MGAT5: variants seen among roughly 807,000 people sequenced by gnomAD.
MGAT5 encodes the protein alpha-1,6-mannosylglycoprotein 6-beta-N-acetylglucosaminyltransferase.
In MGAT5, 30 loss-of-function variants were observed where a neutral mutation model predicts 94.3. The observed-to-expected ratio is 0.32, with a 90% CI of 0.24 to 0.43. The LOEUF is 0.43. Among genes scored for constraint, MGAT5 ranks in the 20% least tolerant of loss-of-function variants. The pLI is 1.00. For synonymous variants in MGAT5, 310 were observed against 322.9 expected (o/e 0.96, Z 0.43); for missense variants, 691 against 905.5 (o/e 0.76, Z 3.04).
intron 2 of MGAT5, among the ~76,000 whole-genome samples, chr2:134,276,552 T>C (rs1226116438): frequency 2.0e-5 from 3 of 152,122 alleles, no homozygotes; most frequent in African/African-American, 7.2e-5. Context: ...CATCAGAAAA[T>C]ACCCTTGACA....
chr2:134,125,404 T>C (rs1188890477), intron 1 of MGAT5, among the ~76,000 whole-genome samples: 1 of 152,188 alleles, frequency 6.6e-6, no homozygotes, highest in Admixed American at 6.5e-5. Context: ...CTGGTGAGTA[T>C]GCCCTGTACT....
intron 10 of MGAT5, among the ~76,000 whole-genome samples, chr2:134,401,085 ACTC>A (rs1157368824): frequency 1.4e-5 from 2 of 138,906 alleles, no homozygotes; most frequent in Non-Finnish European, 3.1e-5. Context: ...TTCTTCTTCT[ACTC>A]CTCTTTTTTT....
At chr2:134,214,103 T>C (rs559442640) in intron 1 of MGAT5, among the ~76,000 whole-genome samples, 34 of 152,170 alleles carry the variant, frequency 2.2e-4, no homozygotes, top group African/African-American at 7.0e-4. Flanking sequence ...CACCCTATAT[T>C]CCTAATACAA....
At chr2:134,422,677 G>A (rs1360293910) in intron 12 of MGAT5, 126 bp from the exon 13 acceptor site, 5 of 680,160 alleles carry the variant, frequency 7.4e-6, no homozygotes, top group African/African-American at 1.8e-5. Flanking sequence ...GATCATCAAG[G>A]GGAAGGACAC....
At chr2:134,386,681 A>G (rs905852269) in intron 10 of MGAT5, among the ~76,000 whole-genome samples, 1 of 152,132 alleles carries the variant, frequency 6.6e-6, no homozygotes, top group South Asian at 2.1e-4. Context: ...GCCCCCTCTA[A>G]AGAGCTTTCT....
At chr2:134,383,742 C>G (rs1681778416) in intron 10 of MGAT5, among the ~76,000 whole-genome samples, 1 of 150,172 alleles carries the variant, frequency 6.7e-6, no homozygotes, top group Non-Finnish European at 1.5e-5. Flanking sequence ...CTCACTGTGT[C>G]GCCCAGGCTG....
chr2:134,324,729 G>T (rs183549943), intron 4 of MGAT5, among the ~76,000 whole-genome samples: 149 of 152,188 alleles, frequency 9.8e-4, no homozygotes, highest in African/African-American at 3.5e-3. Context: ...AAACCTGAAT[G>T]TAAAAACAAC....
chr2:134,429,153 G>GTT (rs1398337392), intron 14 of MGAT5, among the ~76,000 whole-genome samples: 2 of 151,848 alleles, frequency 1.3e-5, no homozygotes, highest in African/African-American at 4.9e-5. Flanking sequence ...CTTCCTAAAG[G>GTT]ATAAAGCATT....
intron 2 of MGAT5, among the ~76,000 whole-genome samples, chr2:134,298,005 C>A (rs973101030): frequency 1.3e-5 from 2 of 151,750 alleles, no homozygotes; most frequent in African/African-American, 4.8e-5. Context: ...AATTGAGGTT[C>A]TAAAACCAGT....
chr2:134,238,603 G>A (rs762409681), intron 1 of MGAT5, among the ~76,000 whole-genome samples: 9 of 152,172 alleles, frequency 5.9e-5, no homozygotes, highest in East Asian at 3.9e-4. Flanking sequence ...GTCATTGTGC[G>A]ATGCTTCCAC....
intron 2 of MGAT5, among the ~76,000 whole-genome samples, chr2:134,292,500 C>G (rs759199773): frequency 1.3e-5 from 2 of 152,134 alleles, no homozygotes; most frequent in Admixed American, 6.5e-5. Context: ...CTGCTGCTAA[C>G]GGAAGGTTTA....
intron 1 of MGAT5, among the ~76,000 whole-genome samples, chr2:134,137,178 A>G (rs1223772906): frequency 1.3e-5 from 2 of 152,218 alleles, no homozygotes; most frequent in African/African-American, 4.8e-5. Context: ...ATCATCGACA[A>G]CAGCACTCTA....
At chr2:134,339,745 A>G (rs1394004047) in intron 6 of MGAT5, among the ~76,000 whole-genome samples, 1 of 152,188 alleles carries the variant, frequency 6.6e-6, no homozygotes, top group South Asian at 2.1e-4. Flanking sequence ...TTATTACCAA[A>G]AACTAAAAAT....
At chr2:134,341,311 C>T (rs1688619043) in intron 6 of MGAT5, among the ~76,000 whole-genome samples, 1 of 152,150 alleles carries the variant, frequency 6.6e-6, no homozygotes, top group Non-Finnish European at 1.5e-5. Context: ...TTCCTTTAAT[C>T]CCGATTTTAC....
At chr2:134,428,323 C>G (rs1684698585) in intron 13 of MGAT5, 42 bp from the exon 14 acceptor site, 1 of 1,586,594 alleles carries the variant, frequency 6.3e-7, no homozygotes, top group African/African-American at 1.3e-5. Flanking sequence ...GCTACATGTT[C>G]TCTGTCCTTC....
At chr2:134,322,809 C>T (rs1357007650) in intron 4 of MGAT5, among the ~76,000 whole-genome samples, 1 of 152,096 alleles carries the variant, frequency 6.6e-6, no homozygotes, top group Non-Finnish European at 1.5e-5. Flanking sequence ...TCTCTTGCAA[C>T]TGGGGAGATG....
intron 4 of MGAT5, among the ~76,000 whole-genome samples, chr2:134,326,037 T>TC (rs1687622214): frequency 3.8e-5 from 1 of 26,180 alleles, no homozygotes; most frequent in South Asian, 2.8e-3. Flanking sequence ...CTGATTTCTC[T>TC]TTCTCTCTCT....
chr2:134,134,392 A>C (rs1200516041), intron 1 of MGAT5, among the ~76,000 whole-genome samples: 3 of 152,158 alleles, frequency 2.0e-5, no homozygotes, highest in Non-Finnish European at 4.4e-5. Context: ...GCAGCCTGGG[A>C]TCGAGGCTCT....
chr2:134,381,045 C>CA (rs1352654178), intron 10 of MGAT5, among the ~76,000 whole-genome samples: 3 of 152,038 alleles, frequency 2.0e-5, no homozygotes, highest in Non-Finnish European at 2.9e-5. Context: ...TACCTCCCCC[C>CA]ATCCCAAATT....
Sources: allele counts gnomAD v4.1 joint callset (sites outside exome capture counted in the v4.1 genomes callset), GRCh38; gene constraint gnomAD v4.1.1; transcripts MANE v1.5; gene names NCBI Gene and HGNC (gene_info 2026-07-23, HGNC 2026-07-21).